Variants in KCNIP4 observed in about 807,000 individuals in gnomAD.
KCNIP4 encodes Kv channel-interacting protein 4.
Under a neutral mutation model 34.0 loss-of-function variants are expected in KCNIP4, and 12 were observed. The observed-to-expected ratio is 0.35, with a 90% CI of 0.23 to 0.57. KCNIP4 has a LOEUF of 0.57. Among genes scored for constraint, KCNIP4 ranks in the 20% least tolerant of loss-of-function variants. The pLI, the probability that KCNIP4 is intolerant of heterozygous loss-of-function variation, is 0.83. For missense variants in KCNIP4, 238 were observed against 311.7 expected (o/e 0.76, Z 1.78); for synonymous variants, 124 against 102.2 (o/e 1.21, Z -1.29).
At position 21,220,881 on chromosome 4, in the gene KCNIP4, T is replaced by TA. The variant is rs541619826; in HGVS notation, c.62-338173dup. Among the ~76,000 whole-genome samples, 32 of 151,904 alleles carry TA rather than the reference T, an allele frequency of 2.1e-4. No homozygotes were observed. The South Asian group carries it at 4.8e-3, about 23-fold the overall frequency. ...GATTTGAATTTTTTAAACTTGACATTAAAAAAAAGTCCTAATGGAGAAATG... is the reference window on the plus strand; with the variant it reads ...GATTTGAATTTTTTAAACTTGACATTAAAAAAAAAGTCCTAATGGAGAAATG... On this transcript the variant is annotated intron_variant, in intron 1 of 8. Transcript: ENST00000382152.
At chr4:21,507,328 G>C (rs904746845) in intron 1 of KCNIP4, among the ~76,000 whole-genome samples, 2 of 150,840 alleles carry the variant, frequency 1.3e-5, no homozygotes, top group African/African-American at 4.9e-5. Context: ...GTAGTGGCTC[G>C]ATCTTGGCTC....
intron 1 of KCNIP4, among the ~76,000 whole-genome samples, chr4:21,534,275 T>C (rs1205280952): frequency 6.6e-6 from 1 of 152,202 alleles, no homozygotes; most frequent in Non-Finnish European, 1.5e-5. Flanking sequence ...AGATCGATGT[T>C]GTCTTTACAG....
At chr4:21,942,245 T>C (rs1730244421) in intron 1 of KCNIP4, among the ~76,000 whole-genome samples, 1 of 152,184 alleles carries the variant, frequency 6.6e-6, no homozygotes, top group Admixed American at 6.5e-5. Context: ...GGATCTATCA[T>C]CTGATGAGAA....
chr4:21,801,079 A>G (rs560370155), intron 1 of KCNIP4, among the ~76,000 whole-genome samples: 3 of 152,294 alleles, frequency 2.0e-5, no homozygotes, highest in East Asian at 3.9e-4. Flanking sequence ...TCCATTTTAC[A>G]GGAAACTAAG....
At chr4:21,927,596 G>A (rs1729326504) in intron 1 of KCNIP4, among the ~76,000 whole-genome samples, 2 of 152,212 alleles carry the variant, frequency 1.3e-5, no homozygotes, top group East Asian at 3.9e-4. Flanking sequence ...TTAGAGCTGG[G>A]GCATCCCAAC....
At chr4:21,879,358 T>G (rs926498751) in intron 1 of KCNIP4, among the ~76,000 whole-genome samples, 7 of 152,168 alleles carry the variant, frequency 4.6e-5, no homozygotes, top group African/African-American at 1.7e-4. Context: ...TACTCACCCC[T>G]ATCCCTCAGC....
chr4:21,070,390 T>C (rs969589613), intron 1 of KCNIP4, among the ~76,000 whole-genome samples: 1 of 141,064 alleles, frequency 7.1e-6, no homozygotes, highest in African/African-American at 2.6e-5. Flanking sequence ...ATGTTTAGAT[T>C]TTTTTTTTTA....
At chr4:20,924,807 C>G (rs1729736759) in intron 1 of KCNIP4, among the ~76,000 whole-genome samples, 1 of 152,172 alleles carries the variant, frequency 6.6e-6, no homozygotes. Context: ...CTGCTCTAAA[C>G]ACTGGAAACA....
intron 3 of KCNIP4, among the ~76,000 whole-genome samples, chr4:20,825,224 CGTTTTT>C (rs1448673945): frequency 3.1e-5 from 3 of 96,726 alleles, no homozygotes; most frequent in South Asian, 4.4e-4. Context: ...GTCAATTTTA[CGTTTTT>C]TTTTTTTTTT....
intron 1 of KCNIP4, among the ~76,000 whole-genome samples, chr4:21,351,009 ATAT>A (rs1200711704): frequency 6.6e-6 from 1 of 152,186 alleles, no homozygotes; most frequent in Non-Finnish European, 1.5e-5. Flanking sequence ...GGATTTTCAA[ATAT>A]TATTTTGACT....
chr4:21,712,189 T>C (rs962766464), intron 1 of KCNIP4, among the ~76,000 whole-genome samples: 1 of 152,182 alleles, frequency 6.6e-6, no homozygotes, highest in Admixed American at 6.6e-5. Context: ...TATTACAGAA[T>C]AATATAATCC....
chr4:21,283,623 T>C (rs1578017116), intron 1 of KCNIP4, among the ~76,000 whole-genome samples: 2 of 127,252 alleles, frequency 1.6e-5, no homozygotes, highest in Non-Finnish European at 3.1e-5. Context: ...TGAATCTATA[T>C]ATACATATGA....
chr4:21,710,222 C>T (rs1713614145), intron 1 of KCNIP4, among the ~76,000 whole-genome samples: 1 of 152,190 alleles, frequency 6.6e-6, no homozygotes, highest in African/African-American at 2.4e-5. Flanking sequence ...CAGAAATCCT[C>T]TGTGCCTTTT....
At chr4:21,207,847 T>TC (rs1302427029) in intron 1 of KCNIP4, among the ~76,000 whole-genome samples, 1 of 149,438 alleles carries the variant, frequency 6.7e-6, no homozygotes. Flanking sequence ...CTTTTTCTTT[T>TC]TTTTTTTTTT....
At position 21,702,556 on chromosome 4, in the gene KCNIP4, G is replaced by C. The variant is rs115484467; in HGVS notation, c.61+246015C>G. Among the ~76,000 whole-genome samples, 411 of 151,932 alleles carry C rather than the reference G, an allele frequency of 2.7e-3. 2 individuals are homozygous for C. The highest frequency in any genetic ancestry group is 9.6e-3 in the African/African-American group (396 of 41,430). ...AAAATAATTCACCAAAGATTAAATA[G>C]ATAATTTGAATAGCTTTATACCTGT... On this transcript the variant is annotated intron_variant, in intron 1 of 8. Coordinates refer to ENST00000382152, the MANE Select transcript of KCNIP4 (RefSeq NM_025221.6).
intron 1 of KCNIP4, among the ~76,000 whole-genome samples, chr4:21,429,850 C>T (rs4696979): frequency 0.29 from 44,433 of 151,972 alleles, 7,557 homozygotes; most frequent in East Asian, 0.58. Flanking sequence ...AATCAAAGTT[C>T]CTAACTTTTC....
At chr4:21,812,649 T>C (rs1230912109) in intron 1 of KCNIP4, among the ~76,000 whole-genome samples, 2 of 152,192 alleles carry the variant, frequency 1.3e-5, no homozygotes, top group Non-Finnish European at 2.9e-5. Context: ...AGTCAATTTC[T>C]TTATTTTCTT....
intron 1 of KCNIP4, among the ~76,000 whole-genome samples, chr4:21,443,307 C>A (rs1328326055): frequency 6.6e-6 from 1 of 152,116 alleles, no homozygotes; most frequent in Non-Finnish European, 1.5e-5. Flanking sequence ...ACACTCCTAT[C>A]CCTCCCTCTG....
At chr4:21,636,076 G>T (rs1339306003) in intron 1 of KCNIP4, among the ~76,000 whole-genome samples, 1 of 146,330 alleles carries the variant, frequency 6.8e-6, no homozygotes, top group Admixed American at 7.0e-5. Context: ...ACTCATAGGT[G>T]GGAATTGAAC....
Sources: gnomAD v4.1 joint callset for allele counts (sites outside exome capture counted in the v4.1 genomes callset) on GRCh38, gnomAD v4.1.1 for gene constraint, MANE v1.5 for transcripts, NCBI Gene and HGNC (gene_info 2026-07-23, HGNC 2026-07-21) for gene names.